The following CALCRL variants were observed in gnomAD, a reference collection of about 807,000 sequenced individuals.
The protein encoded by CALCRL is calcitonin gene-related peptide type 1 receptor.
In CALCRL, 27 loss-of-function variants were observed where a neutral mutation model predicts 60.4. The ratio of observed to expected loss-of-function variants is 0.45; its 90% CI spans 0.33 to 0.62. The LOEUF (loss-of-function observed/expected upper bound fraction) is 0.62. CALCRL is among the 20% of genes least tolerant of loss of function. The pLI is 0.03. For synonymous variants in CALCRL, 190 were observed against 182.6 expected, an observed-to-expected ratio of 1.04 and a Z score of -0.33; for missense variants, 424 against 540.7, an observed-to-expected ratio of 0.78 and a Z score of 2.14.
chr2:187,386,962 C>G (rs1688230389), intron 3 of CALCRL, among the ~76,000 whole-genome samples: 1 of 152,150 alleles, frequency 6.6e-6, no homozygotes, highest in Non-Finnish European at 1.5e-5. Context: ...GATTGTGAGG[C>G]CTTCCCAGCC....
chr2:187,402,781 T>A (rs953820921), intron 1 of CALCRL, among the ~76,000 whole-genome samples: 1 of 151,796 alleles, frequency 6.6e-6, no homozygotes, highest in Non-Finnish European at 1.5e-5. Flanking sequence ...AGGAATGGCA[T>A]GTATTCCATA....
chr2:187,356,348 A>G (rs1051860711), intron 12 of CALCRL, among the ~76,000 whole-genome samples: 9 of 152,054 alleles, frequency 5.9e-5, no homozygotes, highest in Admixed American at 5.9e-4. Context: ...TAGAAATAAC[A>G]CCACACTTCT....
At chr2:187,366,278 A>C in intron 8 of CALCRL, among the ~76,000 whole-genome samples, 1 of 149,834 alleles carries the variant, frequency 6.7e-6, no homozygotes, top group Admixed American at 6.7e-5. Context: ...AAGAGGAATA[A>C]ATTCTAGTGT....
chr2:187,401,561 T>C (rs1688888295), intron 1 of CALCRL, among the ~76,000 whole-genome samples: 1 of 151,602 alleles, frequency 6.6e-6, no homozygotes, highest in African/African-American at 2.4e-5. Context: ...AAATAACCAT[T>C]GTACATAGTT....
intron 5 of CALCRL, among the ~76,000 whole-genome samples, chr2:187,382,969 ACT>A (rs1688040888): frequency 1.3e-5 from 2 of 152,190 alleles, no homozygotes; most frequent in Admixed American, 1.3e-4. Flanking sequence ...TAAAAAGATC[ACT>A]GTCACATATT....
intron 1 of CALCRL, among the ~76,000 whole-genome samples, chr2:187,432,835 T>A (rs1035298317): frequency 1.3e-5 from 2 of 152,126 alleles, no homozygotes; most frequent in African/African-American, 4.8e-5. Flanking sequence ...ATTTTTACTG[T>A]ACTTTCTATG....
intron 1 of CALCRL, among the ~76,000 whole-genome samples, chr2:187,392,962 C>T (rs1461526915): frequency 6.6e-6 from 1 of 152,104 alleles, no homozygotes; most frequent in East Asian, 1.9e-4. Flanking sequence ...ATATATAAAG[C>T]AGTTAGTGAA....
At chr2:187,353,063 A>AGT (rs1322802961) in intron 12 of CALCRL, among the ~76,000 whole-genome samples, 1 of 151,956 alleles carries the variant, frequency 6.6e-6, no homozygotes, top group Non-Finnish European at 1.5e-5. Flanking sequence ...TAAACCTTTG[A>AGT]CACTCTAATG....
intron 12 of CALCRL, 95 bp from the exon 13 acceptor site, chr2:187,352,427 T>A: frequency 5.6e-6 from 4 of 708,022 alleles, no homozygotes. Context: ...TCTTAAAATA[T>A]TTTTAATGTA....
rs1399558539 is a variant in CALCRL at position 187,361,974 on chromosome 2, A to G, written c.628-1223T>C. Among the ~76,000 whole-genome samples the G allele has an allele frequency of 4.6e-5, 7 of 152,088 alleles. No individual in the cohort carries two copies. In the East Asian group the frequency reaches 1.4e-3, roughly 29 times the overall value. ...AAGTTCACTCAAAGGTGAAAATGAG[A>G]TAGTCTACTATATGGAGAGAAATCA... On this transcript the variant is annotated intron_variant, in intron 9 of 14. Coordinates refer to ENST00000392370, the MANE Select transcript of CALCRL (RefSeq NM_005795.6).
At chr2:187,412,670 C>A (rs1159050376) in intron 1 of CALCRL, among the ~76,000 whole-genome samples, 1 of 152,088 alleles carries the variant, frequency 6.6e-6, no homozygotes, top group African/African-American at 2.4e-5. Flanking sequence ...TATTTTAAAA[C>A]TTTTTAAAAA....
chr2:187,408,080 T>C (rs916005950), intron 1 of CALCRL, among the ~76,000 whole-genome samples: 3 of 152,078 alleles, frequency 2.0e-5, no homozygotes, highest in Non-Finnish European at 2.9e-5. Context: ...AGGTCCTTTT[T>C]GTTCTTTAAT....
At chr2:187,443,315 G>A (rs1691012611) in intron 1 of CALCRL, among the ~76,000 whole-genome samples, 1 of 151,746 alleles carries the variant, frequency 6.6e-6, no homozygotes, top group Non-Finnish European at 1.5e-5. Context: ...CAGACTTAAG[G>A]TGAACATGAA....
At chr2:187,385,722 CAAT>C (rs1688178689) in intron 3 of CALCRL, 91 bp from the exon 4 acceptor site, 1 of 668,484 alleles carries the variant, frequency 1.5e-6, no homozygotes, top group Non-Finnish European at 2.5e-6. Flanking sequence ...TAAAACTACA[CAAT>C]AATTCAATAA....
intron 1 of CALCRL, among the ~76,000 whole-genome samples, chr2:187,414,831 A>G (rs887355831): frequency 6.6e-6 from 1 of 150,806 alleles, no homozygotes; most frequent in South Asian, 2.1e-4. Context: ...CAAATTTACT[A>G]TTTTCTTTGA....
chr2:187,414,093 C>G (rs1689483959), intron 1 of CALCRL, among the ~76,000 whole-genome samples: 1 of 152,060 alleles, frequency 6.6e-6, no homozygotes, highest in South Asian at 2.1e-4. Flanking sequence ...TTAGGCATTA[C>G]TATAATGAAA....
intron 12 of CALCRL, among the ~76,000 whole-genome samples, chr2:187,353,842 A>T (rs1686649543): frequency 6.6e-6 from 1 of 152,028 alleles, no homozygotes. Flanking sequence ...AGACAGTAGA[A>T]ACATTGCAAT....
intron 14 of CALCRL, among the ~76,000 whole-genome samples, chr2:187,350,233 C>T (rs950281128): frequency 1.3e-5 from 2 of 151,600 alleles, no homozygotes; most frequent in African/African-American, 4.8e-5. Flanking sequence ...CAGAGGTCTA[C>T]CTTTCCTATT....
rs1688264191 is a variant in CALCRL at position 187,387,676 on chromosome 2, G to T, written c.-212C>A. On this transcript the variant is annotated 5_prime_UTR_variant, in exon 2 of 15. Coordinates refer to ENST00000392370, the MANE Select transcript of CALCRL (RefSeq NM_005795.6). Reference sequence around the variant, plus strand: ...TTTCCCAATACTTACATGCACAATTGTCTCCAGTCTCAAATCACATTTTCT... The same window carrying T: ...TTTCCCAATACTTACATGCACAATTTTCTCCAGTCTCAAATCACATTTTCT... The T allele has an allele frequency of 2.5e-6, 1 of 396,728 alleles. No individual in the cohort carries two copies. Among genetic ancestry groups the T allele is most frequent in the Non-Finnish European group, 4.4e-6 (1 of 225,072 alleles). The allele number at this position is 396,728 out of a possible 1,614,324, so 24.6% of individuals were successfully genotyped here.
Sources: gnomAD v4.1 joint callset for allele counts (sites outside exome capture counted in the v4.1 genomes callset) on GRCh38, gnomAD v4.1.1 for gene constraint, MANE v1.5 for transcripts, NCBI Gene and HGNC (gene_info 2026-07-23, HGNC 2026-07-21) for gene names.